The following ZNF112 variants were observed in gnomAD, a reference collection of about 807,000 sequenced individuals.
The protein encoded by ZNF112 is zinc finger protein 112 (Y14).
ZNF112 carries 37 observed loss-of-function variants against 77.7 expected under a neutral mutation model. The ratio of observed to expected loss-of-function variants is 0.48; its 90% CI spans 0.37 to 0.63. The LOEUF (loss-of-function observed/expected upper bound fraction) is 0.63, where lower values mean the gene tolerates loss of function less well. Ranked by LOEUF, ZNF112 falls within the 20% of genes least tolerant of loss-of-function variation. The pLI is 0.00. For missense variants in ZNF112, 950 were observed against 1,077.4 expected (o/e 0.88, Z 1.66); for synonymous variants, 333 against 363.6 (o/e 0.92, Z 0.96).
upstream of ZNF112, among the ~76,000 whole-genome samples, chr19:44,361,153 G>C (rs189111986): frequency 2.9e-3 from 442 of 152,198 alleles, 4 homozygotes; most frequent in African/African-American, 9.0e-3. Context: ...TTCATCAATA[G>C]GATGATTTTG....
At chr19:44,364,670 T>C (rs1413659261) in intron 1 of ZNF112, among the ~76,000 whole-genome samples, 2 of 151,988 alleles carry the variant, frequency 1.3e-5, no homozygotes, top group Non-Finnish European at 2.9e-5. Context: ...ACAATAAAAA[T>C]AACACAAATA....
chr19:44,346,113 G>A (rs537048390), intron 1 of ZNF112, among the ~76,000 whole-genome samples: 3 of 152,280 alleles, frequency 2.0e-5, no homozygotes, highest in South Asian at 4.1e-4. Context: ...AGAAGGTTTC[G>A]CTGAAGCCTC....
intron 3 of ZNF112, among the ~76,000 whole-genome samples, chr19:44,330,820 G>A (rs1366960836): frequency 6.6e-6 from 1 of 152,156 alleles, no homozygotes; most frequent in Non-Finnish European, 1.5e-5. Context: ...AAAAGAGGAT[G>A]TTCTTAAAAC....
At chr19:44,353,510 T>C (rs1207880187) in intron 1 of ZNF112, among the ~76,000 whole-genome samples, 1 of 151,826 alleles carries the variant, frequency 6.6e-6, no homozygotes, top group Admixed American at 6.6e-5. Context: ...AGGACTTATA[T>C]CCAGAATATA....
intron 3 of ZNF112, among the ~76,000 whole-genome samples, chr19:44,331,166 A>G (rs1427390789): frequency 6.6e-6 from 1 of 152,206 alleles, no homozygotes; most frequent in South Asian, 2.1e-4. Flanking sequence ...AAGATATTTC[A>G]CAATTATCAA....
At chr19:44,364,013 G>A (rs188482214) in intron 1 of ZNF112, among the ~76,000 whole-genome samples, 6 of 152,184 alleles carry the variant, frequency 3.9e-5, no homozygotes, top group East Asian at 1.9e-4. Context: ...GGGTTCAAGC[G>A]ATCCTCCTGC....
rs187997756 is a variant in ZNF112, at chr19:44,335,382, G to A, written c.220+1241C>T. On this transcript the variant is annotated intron_variant, in intron 3 of 3. Coordinates refer to ENST00000354340, the MANE Select transcript of ZNF112 (RefSeq NM_013380.4). ...AGAGTTATAATCTTAGACTGGGAGG[G>A]ATTTCCCCAAGGTAACGGCAAAGAA... 7.2e-5 allele frequency among the ~76,000 whole-genome samples: 11 copies of A among 152,258 alleles called. No individual in the cohort carries two copies. The East Asian group carries it at 1.9e-3, about 27-fold the overall frequency.
At chr19:44,347,485 A>ATTTTTT (rs757226424) in intron 1 of ZNF112, among the ~76,000 whole-genome samples, 5 of 40,314 alleles carry the variant, frequency 1.2e-4, no homozygotes, top group African/African-American at 2.9e-4. Flanking sequence ...TTTTGGGTTG[A>ATTTTTT]TTTTTTTTTT....
chr19:44,352,690 A>AGTTAGTTG (rs1446385009), intron 1 of ZNF112, among the ~76,000 whole-genome samples: 2 of 152,150 alleles, frequency 1.3e-5, no homozygotes, highest in Non-Finnish European at 2.9e-5. Flanking sequence ...GTGTATTTCT[A>AGTTAGTTG]TACACTAACA....
rs1202787907 is a variant in ZNF112, at chr19:44,329,575, T to G, written c.582A>C (p.Gln194His). The change falls in exon 4 of 4, where the codon CAA (glutamine) becomes CAC (histidine). Residue 194 changes from glutamine to histidine, a missense_variant. Gln to His is a conservative substitution (Grantham distance 24). Transcript: ENST00000354340. ...TACAGAAATGATTTTTCATGGAAAT[T>G]TGCTGACATCTACACTGATAATTAT... ...ESHNYQCRCQ[Q>H]ISMKNHFCKC... 2.5e-6 allele frequency: 4 copies of G among 1,609,836 alleles called. No individual in the cohort carries two copies. Among genetic ancestry groups the G allele is most frequent in the Non-Finnish European group, 3.4e-6 (4 of 1,178,050 alleles).
chr19:44,329,974 A>AT, intron 3 of ZNF112, 38 bp from the exon 4 acceptor site: 1 of 1,492,760 alleles, frequency 6.7e-7, no homozygotes, highest in Non-Finnish European at 9.1e-7. Flanking sequence ...GCACGAGTGA[A>AT]TGCTTTATTC....
chr19:44,359,436 G>GCC (rs1452347036), upstream of ZNF112, among the ~76,000 whole-genome samples: 1 of 139,140 alleles, frequency 7.2e-6, no homozygotes, highest in Non-Finnish European at 1.5e-5. Flanking sequence ...CAATTCTCCT[G>GCC]CCCCAGCCTC....
chr19:44,348,758 A>G (rs936927818), intron 1 of ZNF112, among the ~76,000 whole-genome samples: 20 of 152,298 alleles, frequency 1.3e-4, no homozygotes, highest in Admixed American at 1.2e-3. Context: ...TAAATGCAAC[A>G]TATCAAAATG....
intron 2 of ZNF112, among the ~76,000 whole-genome samples, chr19:44,338,738 C>T (rs1382576620): frequency 1.3e-5 from 2 of 152,156 alleles, no homozygotes; most frequent in Non-Finnish European, 2.9e-5. Flanking sequence ...GACTCTAGAT[C>T]CTGTTCTGGA....
In ZNF112 at chr19:44,329,720, G is replaced by A; in HGVS notation, c.437C>T (p.Ser146Phe). The A allele has an allele frequency of 6.2e-7, 1 of 1,614,082 alleles. No homozygotes were observed. The highest frequency in any genetic ancestry group is 8.5e-7 in the Non-Finnish European group (1 of 1,180,014). The change falls in exon 4 of 4, where the codon TCT becomes TTT. Residue 146 changes from serine to phenylalanine, a missense_variant. Physicochemically the swap from Ser to Phe is radical, Grantham distance 155. Transcript: ENST00000354340. ...QVWAGIPVQI[S>F]EDKNYIFTHI... ...AGTGAATATATAGTTCTTATCTTCA[G>A]AAATCTGAACTGGTATTCCTGCCCA...
chr19:44,329,007 C>T lies in ZNF112; in HGVS notation c.1150G>A (p.Glu384Lys). Residue 384 changes from glutamate (E) to lysine (K), a missense_variant, in exon 4 of 4, where the codon GAG becomes AAG. By Grantham distance (56) the Glu-to-Lys change is moderately conservative. This residue lies in a region of ZNF112 where 560 missense variants were observed against 557.3 expected (regional missense o/e 1.00). Transcript: ENST00000354340. ...TGATTAAAGACATTCTCATTTTCCT[C>T]ATATTCATGGGGTTCATCCCTAGTA... ...VHTRDEPHEYEENENVFNQSS... is the reference protein window; with the variant it reads ...VHTRDEPHEYKENENVFNQSS... The T allele has an allele frequency of 1.2e-6, 2 of 1,613,888 alleles. No homozygotes were observed. Among genetic ancestry groups the T allele is most frequent in the Non-Finnish European group, 1.7e-6 (2 of 1,179,948 alleles).
At chr19:44,366,473 CAAG>C (rs1163755993) in intron 1 of ZNF112, among the ~76,000 whole-genome samples, 2 of 152,074 alleles carry the variant, frequency 1.3e-5, no homozygotes, top group Non-Finnish European at 2.9e-5. Flanking sequence ...GATGACACGG[CAAG>C]AAGAAGGATG....
chr19:44,359,622 T>C (rs1296811527), upstream of ZNF112, among the ~76,000 whole-genome samples: 1 of 152,152 alleles, frequency 6.6e-6, no homozygotes, highest in Non-Finnish European at 1.5e-5. Flanking sequence ...GCATGTGGCC[T>C]ACAGTTCTTT....
rs1421256920 is a variant in ZNF112, at chr19:44,337,396, A to AATATATATT, written c.125-687_125-679dup. Among the ~76,000 whole-genome samples the AATATATATT allele has an allele frequency of 2.2e-4, 7 of 31,974 alleles. 2 individuals are homozygous for AATATATATT. Among genetic ancestry groups the AATATATATT allele is most frequent in the Middle Eastern group, 0.042 (2 of 48 alleles). The allele number at this position is 31,974 out of a possible 152,430, so 21.0% of individuals were successfully genotyped here. ...ATATTTTATATATAATAATATATAT[A>AATATATATT]ATATATATTTTATATATAATAATAT... On this transcript the variant is annotated intron_variant, in intron 2 of 3. Transcript: ENST00000354340.
Sources: allele counts gnomAD v4.1 joint callset (sites outside exome capture counted in the v4.1 genomes callset), GRCh38; gene constraint gnomAD v4.1.1; regional missense constraint gnomAD v4.1.1; transcripts MANE v1.5; gene names NCBI Gene and HGNC (gene_info 2026-07-23, HGNC 2026-07-21).